The following SIK2 variants were observed in gnomAD, a reference collection of about 807,000 sequenced individuals.
SIK2 encodes salt inducible kinase 2, also known as serine/threonine-protein kinase SIK2.
Under a neutral mutation model 103.2 loss-of-function variants are expected in SIK2, and 29 were observed. The ratio of observed to expected loss-of-function variants is 0.28; its 90% CI spans 0.21 to 0.38. The LOEUF is 0.38. Ranked by LOEUF, SIK2 falls within the 10% of genes least tolerant of loss-of-function variation. The probability of loss-of-function intolerance (pLI) is 1.00; values close to 1 mark genes in which losing one functional copy is unlikely to be tolerated. For synonymous variants in SIK2, 412 were observed against 446.1 expected (o/e 0.92, Z 0.96); for missense variants, 879 against 1,171.0 (o/e 0.75, Z 3.64).
At chr11:111,652,388 C>T (rs1352679229) in intron 3 of SIK2, among the ~76,000 whole-genome samples, 3 of 151,994 alleles carry the variant, frequency 2.0e-5, no homozygotes, top group Non-Finnish European at 4.4e-5. Context: ...GGTAGAGCAG[C>T]GAAATCTAGT....
intron 3 of SIK2, among the ~76,000 whole-genome samples, chr11:111,647,225 A>G (rs774775748): frequency 1.2e-4 from 18 of 152,178 alleles, no homozygotes; most frequent in Non-Finnish European, 2.2e-4. Flanking sequence ...TATAAACAGC[A>G]TTACCATGAA....
At chr11:111,710,497 T>C (rs966289777) in intron 8 of SIK2, among the ~76,000 whole-genome samples, 1 of 152,250 alleles carries the variant, frequency 6.6e-6, no homozygotes, top group African/African-American at 2.4e-5. Flanking sequence ...AATATATTTC[T>C]AACATATCCC....
chr11:111,720,549 C>A lies in SIK2; in HGVS notation c.1567C>A (p.Gln523Lys). 6.2e-7 allele frequency: 1 copy of A among 1,614,080 alleles called. No individual in the cohort carries two copies. Among genetic ancestry groups the A allele is most frequent in the Non-Finnish European group, 8.5e-7 (1 of 1,180,016 alleles). Residue 523 changes from glutamine to lysine, a missense_variant, in exon 11 of 15, where the codon CAG becomes AAG. Gln to Lys is a moderately conservative substitution (Grantham distance 53). Transcript: ENST00000304987. ...VDSEYDMGSV[Q>K]RDLNFLEDNP... ...CTCTGAGTATGATATGGGGTCTGTT[C>A]AGAGGGACCTGAACTTTCTGGAAGA...
chr11:111,633,082 T>C (rs1942059722), intron 3 of SIK2, among the ~76,000 whole-genome samples: 1 of 152,182 alleles, frequency 6.6e-6, no homozygotes, highest in Non-Finnish European at 1.5e-5. Context: ...ATTCTCAAAA[T>C]AGAACATGTA....
intron 3 of SIK2, among the ~76,000 whole-genome samples, chr11:111,661,112 A>G (rs533692014): frequency 1.3e-5 from 2 of 152,204 alleles, no homozygotes; most frequent in South Asian, 4.1e-4. Flanking sequence ...AATACTGAGT[A>G]TATACTCTTT....
intron 1 of SIK2, among the ~76,000 whole-genome samples, chr11:111,606,652 T>G (rs1296088768): frequency 6.6e-6 from 1 of 152,178 alleles, no homozygotes; most frequent in Non-Finnish European, 1.5e-5. Context: ...GCAGTGAATA[T>G]TTTTGTGCCT....
At chr11:111,664,548 G>A (rs934492781) in intron 3 of SIK2, among the ~76,000 whole-genome samples, 39 of 152,272 alleles carry the variant, frequency 2.6e-4, no homozygotes, top group African/African-American at 8.4e-4. Flanking sequence ...CCTGGGAGGC[G>A]AAGGTTGCAG....
At chr11:111,624,041 C>A (rs1054131971) in intron 3 of SIK2, among the ~76,000 whole-genome samples, 2 of 152,166 alleles carry the variant, frequency 1.3e-5, no homozygotes, top group Non-Finnish European at 2.9e-5. Context: ...ATAAACCATT[C>A]TCTCATGTAT....
rs1565300135 is a variant in SIK2 at position 111,602,749 on chromosome 11, A to T, written c.135+51A>T. The T allele has an allele frequency of 6.9e-7, 1 of 1,442,676 alleles. No homozygotes were observed. Among genetic ancestry groups the T allele is most frequent in the African/African-American group, 1.5e-5 (1 of 67,178 alleles). The allele number at this position is 1,442,676 out of a possible 1,614,324, so 89.4% of individuals were successfully genotyped here. A position where few individuals can be genotyped will look rare whatever the true frequency, so the allele number is the denominator to read the frequency against. ...GTCCGAGGCGAGGGTTCGGGAGAGGAGCTGCTTACCGAGAGGGGCGGCCGC... is the reference window on the plus strand; with the variant it reads ...GTCCGAGGCGAGGGTTCGGGAGAGGTGCTGCTTACCGAGAGGGGCGGCCGC... On this transcript the variant is annotated intron_variant, in intron 1 of 14. Transcript: ENST00000304987. This position sits in a 1 kb window ranked among gnomAD's most constrained non-coding sequence, Gnocchi z 4.5.
chr11:111,652,043 G>A (rs1331731098), intron 3 of SIK2, among the ~76,000 whole-genome samples: 2 of 152,050 alleles, frequency 1.3e-5, no homozygotes, highest in African/African-American at 4.8e-5. Flanking sequence ...TAATACATCG[G>A]TGCTTCTAAG....
rs546670104 is a variant in SIK2 at position 111,711,281 on chromosome 11, G to A, written c.1102-930G>A. Among the ~76,000 whole-genome samples, 5 of 152,112 alleles carry A rather than the reference G, an allele frequency of 3.3e-5. No individual in the cohort carries two copies. In the East Asian group the frequency reaches 9.7e-4, roughly 30 times the overall value. ...CTACAGGCACCCGCCACCACACCCA[G>A]CTAATTTTTTTTTGTATTTTTAGTA... On this transcript the variant is annotated intron_variant, in intron 8 of 14. Coordinates refer to ENST00000304987, the MANE Select transcript of SIK2 (RefSeq NM_015191.3).
At position 111,726,858 on chromosome 11, in the gene SIK2, T is replaced by G; in HGVS notation, c.*2729T>G. On this transcript the variant is annotated 3_prime_UTR_variant, in exon 15 of 15. Coordinates refer to ENST00000304987, the MANE Select transcript of SIK2 (RefSeq NM_015191.3). ...TTCATCACCCTGTAAACCAGGCTCC[T>G]CTGAAGAGACTTTGGTGAGATGAAC... 2 of 996,248 alleles carry G rather than the reference T, an allele frequency of 2.0e-6. No homozygotes were observed. Among genetic ancestry groups the G allele is most frequent in the Non-Finnish European group, 3.1e-6 (2 of 649,978 alleles). The allele number at this position is 996,248 out of a possible 1,614,324, so 61.7% of individuals were successfully genotyped here. A position where few individuals can be genotyped will look rare whatever the true frequency, so the allele number is the denominator to read the frequency against.
In SIK2 at chr11:111,679,467, G is replaced by A. The variant is rs150769015; in HGVS notation, c.317-8534G>A. ...AGCAACAATTTCCTTAATTTTTGTC[G>A]AACACACAATTTGAAATGATTATGT... On this transcript the variant is annotated intron_variant, in intron 3 of 14. Transcript: ENST00000304987. 2.7e-3 allele frequency among the ~76,000 whole-genome samples: 408 copies of A among 152,186 alleles called. 2 individuals carry two copies. Among genetic ancestry groups the A allele is most frequent in the African/African-American group, 9.4e-3 (389 of 41,514 alleles).
At chr11:111,713,256 G>A (rs1182586708) in intron 9 of SIK2, among the ~76,000 whole-genome samples, 1 of 152,186 alleles carries the variant, frequency 6.6e-6, no homozygotes, top group Non-Finnish European at 1.5e-5. Flanking sequence ...CTCATTCATA[G>A]ATGTCTCTTT....
chr11:111,692,384 A>AAAAAAAAAAAAAAAC (rs1942966207), intron 4 of SIK2, among the ~76,000 whole-genome samples: 1 of 129,436 alleles, frequency 7.7e-6, no homozygotes, highest in South Asian at 2.6e-4. Flanking sequence ...AAAAAAAAAA[A>AAAAAAAAAAAAAAAC]AAAACACAAA....
chr11:111,707,888 T>G (rs1264392911), intron 8 of SIK2, among the ~76,000 whole-genome samples: 1 of 152,174 alleles, frequency 6.6e-6, no homozygotes, highest in Admixed American at 6.6e-5. Flanking sequence ...GTCTCTGAGT[T>G]CCTGTGCCCT....
At chr11:111,693,922 T>A (rs890397056) in intron 4 of SIK2, among the ~76,000 whole-genome samples, 2 of 152,360 alleles carry the variant, frequency 1.3e-5, no homozygotes, top group East Asian at 1.9e-4. Context: ...TCTCTGCCAC[T>A]TACTAGCTTT....
intron 1 of SIK2, among the ~76,000 whole-genome samples, chr11:111,614,858 G>C (rs1213127500): frequency 6.6e-6 from 1 of 152,200 alleles, no homozygotes; most frequent in Non-Finnish European, 1.5e-5. Flanking sequence ...GTTATCCTCG[G>C]CTGGGCACAG....
At chr11:111,673,680 A>G (rs1942658951) in intron 3 of SIK2, among the ~76,000 whole-genome samples, 1 of 152,266 alleles carries the variant, frequency 6.6e-6, no homozygotes, top group Admixed American at 6.5e-5. Flanking sequence ...ACTAGAAATT[A>G]TAGGGTAAGA....
Sources: gnomAD v4.1 joint callset for allele counts (sites outside exome capture counted in the v4.1 genomes callset) on GRCh38, gnomAD v4.1.1 for gene constraint, Gnocchi (gnomAD v3.1) non-coding constraint, MANE v1.5 for transcripts, NCBI Gene and HGNC (gene_info 2026-07-23, HGNC 2026-07-21) for gene names.